RAB37: variants seen among roughly 807,000 people sequenced by gnomAD.
RAB37 encodes the protein ras-related protein Rab-37.
In RAB37, 29 loss-of-function variants were observed where a neutral mutation model predicts 33.1. That is an observed-to-expected ratio of 0.88 (90% confidence interval 0.65 to 1.20). The LOEUF (loss-of-function observed/expected upper bound fraction) is 1.20. Ranked by LOEUF, RAB37 falls within the 50% of genes most tolerant of loss-of-function variation. RAB37 has a pLI of 0.00. For missense variants in RAB37, 299 were observed against 301.1 expected (o/e 0.99, Z 0.05); for synonymous variants, 128 against 119.5 (o/e 1.07, Z -0.47).
chr17:74,693,365 C>A (rs1598192273), intron 1 of RAB37, among the ~76,000 whole-genome samples: 1 of 152,166 alleles, frequency 6.6e-6, no homozygotes, highest in African/African-American at 2.4e-5. Flanking sequence ...GGGCAGCCAG[C>A]AGCCCATGGA....
intron 1 of RAB37, chr17:74,712,689 T>C (rs2034058178): frequency 1.3e-5 from 11 of 837,588 alleles, no homozygotes; most frequent in Non-Finnish European, 2.1e-5. Context: ...GCTAGGTGAA[T>C]GGTGGGTATG....
At chr17:74,693,375 A>T (rs141154197) in intron 1 of RAB37, among the ~76,000 whole-genome samples, 4 of 152,312 alleles carry the variant, frequency 2.6e-5, no homozygotes, top group African/African-American at 9.6e-5. Context: ...CAGCCCATGG[A>T]TCCCCTGAGA....
In RAB37 at chr17:74,738,627, T is replaced by C. The variant is rs1385550912; in HGVS notation, c.93+1262T>C. 6.6e-6 allele frequency among the ~76,000 whole-genome samples: 1 copy of C among 152,090 alleles called. No individual in the cohort carries two copies. The highest frequency in any genetic ancestry group is 1.5e-5 in the Non-Finnish European group (1 of 67,978). ...ACAAAGACTGGCCCTCCCTCCCTCC[T>C]TCCTGCTCCAGGGCTGGGACCCAGG... On this transcript the variant is annotated intron_variant, in intron 1 of 8. Transcript: ENST00000392613. This position sits in a 1 kb window ranked among gnomAD's most constrained non-coding sequence, Gnocchi z 5.0.
chr17:74,680,079 G>A (rs1427321551), intron 1 of RAB37, among the ~76,000 whole-genome samples: 1 of 151,788 alleles, frequency 6.6e-6, no homozygotes, highest in East Asian at 1.9e-4. Context: ...CCCTTAGATA[G>A]CACTTGCATG....
intron 1 of RAB37, among the ~76,000 whole-genome samples, chr17:74,717,113 CAA>C (rs1185168218): frequency 1.3e-5 from 2 of 152,128 alleles, no homozygotes; most frequent in Non-Finnish European, 2.9e-5. Flanking sequence ...CCAGCCTGGG[CAA>C]CGAGAGCGAA....
chr17:74,723,065 G>A (rs1191059879), intron 1 of RAB37, among the ~76,000 whole-genome samples: 4 of 152,172 alleles, frequency 2.6e-5, no homozygotes, highest in African/African-American at 9.7e-5. Context: ...ATCAAGGGTC[G>A]ATACAACAGC....
intron 1 of RAB37, among the ~76,000 whole-genome samples, chr17:74,721,432 A>C (rs992430973): frequency 2.1e-5 from 3 of 143,880 alleles, no homozygotes; most frequent in Non-Finnish European, 3.1e-5. Flanking sequence ...ATCTTGGTTT[A>C]CTTTTTTTTT....
chr17:74,737,198 G>C, upstream of RAB37: 1 of 1,531,430 alleles, frequency 6.5e-7, no homozygotes, highest in Non-Finnish European at 8.7e-7. Flanking sequence ...GGAGGAGTGG[G>C]CGGGGCGGGG....
chr17:74,688,755 T>A (rs1321784908), intron 1 of RAB37, among the ~76,000 whole-genome samples: 1 of 152,048 alleles, frequency 6.6e-6, no homozygotes, highest in East Asian at 1.9e-4. Flanking sequence ...CTGTAAAATA[T>A]CGGAAAGAAA....
At chr17:74,740,916 C>T in intron 2 of RAB37, 38 bp downstream of exon 2, 1 of 1,479,942 alleles carries the variant, frequency 6.8e-7, no homozygotes. Flanking sequence ...AGCAGAGAGC[C>T]AGGGCTGTGG....
intron 1 of RAB37, among the ~76,000 whole-genome samples, chr17:74,714,429 A>ACG (rs2034130182): frequency 6.6e-6 from 1 of 151,152 alleles, no homozygotes; most frequent in African/African-American, 2.4e-5. Context: ...ACACACACAC[A>ACG]CACACGCACG....
Position 74,671,785 on chromosome 17 carries a change from C to G in RAB37, c.72+127C>G. The G allele has an allele frequency of 1.3e-6, 1 of 794,542 alleles. No individual in the cohort carries two copies. Among genetic ancestry groups the G allele is most frequent in the South Asian group, 1.6e-5 (1 of 63,984 alleles). 49.2% of individuals were successfully genotyped at this position (794,542 alleles called of 1,614,324 possible). On this transcript the variant is annotated intron_variant, in intron 1 of 7. Coordinates refer to the RAB37 transcript ENST00000340415. This position sits in a 1 kb window ranked among gnomAD's most constrained non-coding sequence, Gnocchi z 5.0. ...AGCTTGTATCTGTGAGTCTGGGGAGCCCTTTCTGTCTGATCCTGTTTCCTG... is the reference window on the plus strand; with the variant it reads ...AGCTTGTATCTGTGAGTCTGGGGAGGCCTTTCTGTCTGATCCTGTTTCCTG...
At chr17:74,686,127 C>T (rs924939059) in intron 1 of RAB37, among the ~76,000 whole-genome samples, 3 of 152,164 alleles carry the variant, frequency 2.0e-5, no homozygotes, top group African/African-American at 4.8e-5. Context: ...GAGTCTCACT[C>T]TGTCACCCAG....
chr17:74,681,352 G>A (rs1386644673), intron 1 of RAB37, among the ~76,000 whole-genome samples: 1 of 152,224 alleles, frequency 6.6e-6, no homozygotes, highest in East Asian at 1.9e-4. Context: ...GAAGGTCAGA[G>A]GGCTCTGAGC....
chr17:74,671,375 T>G lies in RAB37; in HGVS notation c.-212T>G. On this transcript the variant is annotated 5_prime_UTR_variant, in exon 1 of 8. Transcript: ENST00000340415. The surrounding 1 kb of genome is among the most constrained non-coding windows in gnomAD (Gnocchi z 5.0). The stretch of plus-strand genomic sequence containing the variant: ...ACGGCGGAGTCGCTGTTCCTGGTGC[T>G]GAAACGCTCAGTCCTGGAAGAACGT... The G allele has an allele frequency of 1.8e-6, 1 of 570,634 alleles. No individual in the cohort carries two copies. 35.3% of individuals were successfully genotyped at this position (570,634 alleles called of 1,614,324 possible).
chr17:74,711,724 C>T (rs527326971), intron 1 of RAB37, among the ~76,000 whole-genome samples: 1 of 152,208 alleles, frequency 6.6e-6, no homozygotes, highest in East Asian at 1.9e-4. Flanking sequence ...GGTCTCGGCT[C>T]GGACAGGCAT....
intron 1 of RAB37, chr17:74,698,332 G>T (rs2032707395): frequency 1.4e-6 from 2 of 1,438,976 alleles, no homozygotes; most frequent in East Asian, 2.3e-5. Context: ...CAGCCACCCG[G>T]CCCAGTCTCA....
Position 74,671,604 on chromosome 17 carries a change from C to T in RAB37, c.18C>T (p.Pro6=). The T allele has an allele frequency of 6.2e-7, 1 of 1,614,192 alleles. No homozygotes were observed. Residue 6 remains proline (P), a synonymous_variant, in exon 1 of 8, where the codon CCC becomes CCT. Transcript: ENST00000340415. This position sits in a 1 kb window ranked among gnomAD's most constrained non-coding sequence, Gnocchi z 5.0. ...AGCCTGGCATGGACCTGCAGAGACC[C>T]GATTCCTACCAGGGAGGAGCTGGCC... is the stretch of plus-strand genomic sequence containing the variant.
At chr17:74,704,930 G>A (rs1405569054) in intron 1 of RAB37, 1 of 829,422 alleles carries the variant, frequency 1.2e-6, no homozygotes, top group Non-Finnish European at 1.9e-6. Context: ...AACAGTCAAG[G>A]AAGAAATACA....
Sources: allele counts gnomAD v4.1 joint callset (sites outside exome capture counted in the v4.1 genomes callset), GRCh38; gene constraint gnomAD v4.1.1; non-coding constraint Gnocchi (gnomAD v3.1); transcripts MANE v1.5; gene names NCBI Gene and HGNC (gene_info 2026-07-23, HGNC 2026-07-21).